The following LIPC variants were observed in gnomAD, a reference collection of about 807,000 sequenced individuals.
LIPC encodes hepatic triacylglycerol lipase.
A neutral mutation model predicts 50.7 loss-of-function variants in LIPC; 44 were observed. The observed-to-expected ratio is 0.87, with a 90% confidence interval of 0.68 to 1.11. The LOEUF (loss-of-function observed/expected upper bound fraction) is 1.11, where lower values mean the gene tolerates loss of function less well. Ranked by LOEUF, LIPC falls within the 50% of genes most tolerant of loss-of-function variation. The probability of loss-of-function intolerance (pLI) is 0.00; values close to 1 mark genes in which losing one functional copy is unlikely to be tolerated. For synonymous variants in LIPC, 271 were observed against 256.4 expected (o/e 1.06, Z -0.54); for missense variants, 697 against 648.2 (o/e 1.08, Z -0.82).
rs566911821 is a variant in LIPC, at chr15:58,545,598, G to A, written c.575-144G>A. The A allele has an allele frequency of 3.0e-4, 209 of 686,990 alleles. 2 individuals are homozygous for A. The highest frequency in any genetic ancestry group is 1.1e-4 in the Non-Finnish European group (45 of 399,122). The allele number at this position is 686,990 out of a possible 1,614,324, so 42.6% of individuals were successfully genotyped here. ...GGTTTTACTGAGAAAAGGTTACGGC[G>A]AGGTTTTCTAGGGAAGGATCAGCCC... On this transcript the variant is annotated intron_variant, in intron 4 of 8. Transcript: ENST00000299022.
chr15:58,506,464 G>A (rs1020034188), intron 1 of LIPC, among the ~76,000 whole-genome samples: 1 of 152,144 alleles, frequency 6.6e-6, no homozygotes, highest in Non-Finnish European at 1.5e-5. Flanking sequence ...TTTGACCAGG[G>A]CAAAGCAGGT....
intron 1 of LIPC, among the ~76,000 whole-genome samples, chr15:58,535,522 C>T (rs538267057): frequency 2.0e-5 from 3 of 152,216 alleles, no homozygotes; most frequent in Non-Finnish European, 4.4e-5. Flanking sequence ...AGCCTCGAAG[C>T]CTCAGCCACC....
At chr15:58,457,132 G>A (rs774933631) in intron 1 of LIPC, among the ~76,000 whole-genome samples, 14 of 152,192 alleles carry the variant, frequency 9.2e-5, no homozygotes, top group African/African-American at 1.9e-4. Flanking sequence ...TTTTTGAGAC[G>A]GAGTTTCACT....
chr15:58,556,347 G>A (rs1893951620), intron 6 of LIPC, among the ~76,000 whole-genome samples: 1 of 152,168 alleles, frequency 6.6e-6, no homozygotes, highest in Non-Finnish European at 1.5e-5. Context: ...GGACACAGAT[G>A]CCCGTGAGAC....
chr15:58,503,491 A>T (rs756599485), intron 1 of LIPC, among the ~76,000 whole-genome samples: 54 of 152,232 alleles, frequency 3.5e-4, no homozygotes, highest in Admixed American at 7.8e-4. Flanking sequence ...GGAGATGAGG[A>T]CTTGGTCTGC....
chr15:58,557,071 C>T (rs896542263), intron 6 of LIPC, among the ~76,000 whole-genome samples: 1 of 152,138 alleles, frequency 6.6e-6, no homozygotes, highest in Non-Finnish European at 1.5e-5. Context: ...TAACTGAAAT[C>T]TCTTTCCACA....
At chr15:58,477,756 G>A (rs1276585971) in intron 1 of LIPC, among the ~76,000 whole-genome samples, 1 of 152,030 alleles carries the variant, frequency 6.6e-6, no homozygotes, top group Non-Finnish European at 1.5e-5. Context: ...TGACTGAAAA[G>A]TGACTGAATT....
chr15:58,560,897 A>G lies in LIPC; in HGVS notation c.1085A>G (p.Asn362Ser), dbSNP rs1266590486. ...YHYQFKIQFINQTETPIQTTF... is the reference protein window; with the variant it reads ...YHYQFKIQFISQTETPIQTTF... ...TACCAGTTCAAGATCCAGTTCATCA[A>G]CCAAACTGAGACACCAATACAAACA... is the stretch of plus-strand genomic sequence containing the variant. The change falls in exon 7 of 9, where the codon AAC becomes AGC. Residue 362 changes from asparagine to serine, a missense_variant. Asn to Ser is a conservative substitution (Grantham distance 46). Coordinates refer to ENST00000299022, the MANE Select transcript of LIPC (RefSeq NM_000236.3). 2 of 1,464,968 alleles carry G rather than the reference A, an allele frequency of 1.4e-6. No homozygotes were observed. The highest frequency in any genetic ancestry group is 3.3e-5 in the Admixed American group (2 of 59,810). 90.7% of individuals were successfully genotyped at this position (1,464,968 alleles called of 1,614,324 possible). A position where few individuals can be genotyped will look rare whatever the true frequency, so the allele number is the denominator to read the frequency against.
At chr15:58,449,403 A>G (rs549506329) in intron 1 of LIPC, among the ~76,000 whole-genome samples, 7 of 152,290 alleles carry the variant, frequency 4.6e-5, no homozygotes, top group South Asian at 2.1e-4. Context: ...CAAAGACATG[A>G]AGATTTATGG....
At chr15:58,536,790 A>G (rs1434609948) in intron 1 of LIPC, among the ~76,000 whole-genome samples, 1 of 152,244 alleles carries the variant, frequency 6.6e-6, no homozygotes, top group Non-Finnish European at 1.5e-5. Flanking sequence ...GATGCATTTC[A>G]TTCTGTCTTC....
At chr15:58,493,595 TAAAA>T (rs1424434271) in intron 1 of LIPC, among the ~76,000 whole-genome samples, 2 of 142,174 alleles carry the variant, frequency 1.4e-5, no homozygotes, top group Admixed American at 7.2e-5. Context: ...TACGTATAAA[TAAAA>T]TTTATACAAA....
At chr15:58,505,559 G>A (rs1413800648) in intron 1 of LIPC, among the ~76,000 whole-genome samples, 2 of 152,160 alleles carry the variant, frequency 1.3e-5, no homozygotes, top group East Asian at 1.9e-4. Context: ...AAGATAGACT[G>A]TTCAGATGAT....
chr15:58,442,729 A>G (rs1893548650), intron 1 of LIPC, among the ~76,000 whole-genome samples: 1 of 152,134 alleles, frequency 6.6e-6, no homozygotes, highest in Non-Finnish European at 1.5e-5. Context: ...TCCTTAGACC[A>G]CTCAGCTAAT....
At chr15:58,565,410 G>T in intron 8 of LIPC, 3 of 1,460,034 alleles carry the variant, frequency 2.1e-6, no homozygotes. Flanking sequence ...CTTCTCCACT[G>T]GGGCACACCC....
Position 58,569,054 on chromosome 15 carries a change from G to A in LIPC, c.*227G>A. The A allele has an allele frequency of 2.6e-6, 1 of 385,980 alleles. No individual in the cohort carries two copies. 23.9% of individuals were successfully genotyped at this position (385,980 alleles called of 1,614,324 possible). A position where few individuals can be genotyped will look rare whatever the true frequency, so the allele number is the denominator to read the frequency against. ...CAAAAATGTCCCAATTTTATCTCTG[G>A]TTAAATGTTAATATATGCAAATAAG... On this transcript the variant is annotated 3_prime_UTR_variant, in exon 9 of 9. Transcript: ENST00000299022.
intron 1 of LIPC, among the ~76,000 whole-genome samples, chr15:58,488,419 T>A (rs1891450930): frequency 6.6e-6 from 1 of 152,212 alleles, no homozygotes; most frequent in African/African-American, 2.4e-5. Flanking sequence ...TATGTATCAA[T>A]CCCTGTTAGG....
chr15:58,470,064 C>T (rs538186273), intron 1 of LIPC, among the ~76,000 whole-genome samples: 6 of 151,922 alleles, frequency 3.9e-5, no homozygotes. Context: ...TCCTGAGTAG[C>T]TGGGACTACG....
At chr15:58,546,171 T>G (rs1893524187) in intron 5 of LIPC, among the ~76,000 whole-genome samples, 196 bp downstream of exon 5, 1 of 152,158 alleles carries the variant, frequency 6.6e-6, no homozygotes, top group South Asian at 2.1e-4. Flanking sequence ...AGCAGGCCAC[T>G]CCTGGCAACA....
At chr15:58,504,753 G>C (rs563649266) in intron 1 of LIPC, among the ~76,000 whole-genome samples, 1 of 152,286 alleles carries the variant, frequency 6.6e-6, no homozygotes, top group East Asian at 1.9e-4. Flanking sequence ...TCAAATACTA[G>C]TGTTCTCTTC....
Sources: gnomAD v4.1 joint callset for allele counts (sites outside exome capture counted in the v4.1 genomes callset) on GRCh38, gnomAD v4.1.1 for gene constraint, MANE v1.5 for transcripts, NCBI Gene and HGNC (gene_info 2026-07-23, HGNC 2026-07-21) for gene names.